The following BRI3BP variants were observed in gnomAD, a reference collection of about 807,000 sequenced individuals.
The protein encoded by BRI3BP is BRI3 binding protein.
Under a neutral mutation model 15.8 loss-of-function variants are expected in BRI3BP, and 7 were observed. That is an observed-to-expected ratio of 0.44 (90% confidence interval 0.25 to 0.83). The LOEUF (loss-of-function observed/expected upper bound fraction) is 0.83. Ranked by LOEUF, BRI3BP falls within the 40% of genes least tolerant of loss-of-function variation. The probability of loss-of-function intolerance (pLI) is 0.20; values close to 1 mark genes in which losing one functional copy is unlikely to be tolerated. For missense variants in BRI3BP, 320 were observed against 339.3 expected (o/e 0.94, Z 0.45); for synonymous variants, 192 against 163.5 (o/e 1.17, Z -1.33).
At chr12:124,994,649 A>C (rs544375241) in intron 1 of BRI3BP, among the ~76,000 whole-genome samples, 3 of 152,300 alleles carry the variant, frequency 2.0e-5, no homozygotes, top group Non-Finnish European at 4.4e-5. Flanking sequence ...GTTGAGTCCC[A>C]GGAGGATCGC....
chr12:125,019,996 G>A (rs993822823), intron 2 of BRI3BP, among the ~76,000 whole-genome samples: 2 of 110,418 alleles, frequency 1.8e-5, no homozygotes, highest in Non-Finnish European at 3.3e-5. Flanking sequence ...GTCTCTCTCT[G>A]TTGCCCAGGC....
chr12:125,013,905 A>G (rs1005336350), intron 2 of BRI3BP, among the ~76,000 whole-genome samples: 1 of 152,040 alleles, frequency 6.6e-6, no homozygotes, highest in African/African-American at 2.4e-5. Context: ...ATGGTAACTG[A>G]GCTGGGCACT....
At chr12:125,008,125 G>A (rs1038784117) in intron 1 of BRI3BP, among the ~76,000 whole-genome samples, 4 of 149,308 alleles carry the variant, frequency 2.7e-5, no homozygotes, top group Non-Finnish European at 6.0e-5. Context: ...CTGCTAGTCC[G>A]GGCACCACCA....
At chr12:125,011,151 C>T (rs1955194079) in intron 1 of BRI3BP, among the ~76,000 whole-genome samples, 1 of 148,140 alleles carries the variant, frequency 6.8e-6, no homozygotes, top group Admixed American at 6.7e-5. Context: ...TTACCCTTCA[C>T]ACGTGAGCCG....
intron 2 of BRI3BP, among the ~76,000 whole-genome samples, chr12:125,017,319 C>A (rs1034498735): frequency 1.1e-4 from 10 of 89,048 alleles, no homozygotes; most frequent in Admixed American, 1.5e-4. Flanking sequence ...ACCGTGCCCC[C>A]CTAATGTTTT....
At chr12:125,034,455 A>T (rs996926611), downstream of BRI3BP, among the ~76,000 whole-genome samples, 1 of 152,222 alleles carries the variant, frequency 6.6e-6, no homozygotes, top group Non-Finnish European at 1.5e-5. Context: ...ATATGCGTAC[A>T]CCATGGACAT....
In BRI3BP at chr12:125,026,320, T is replaced by G. The variant is rs1955354464; in HGVS notation, c.*890T>G. 6.4e-5 allele frequency: 4 copies of G among 62,820 alleles called. No homozygotes were observed. Among genetic ancestry groups the G allele is most frequent in the South Asian group, 1.2e-3 (2 of 1,700 alleles). 3.9% of individuals were successfully genotyped at this position (62,820 alleles called of 1,614,324 possible). On this transcript the variant is annotated 3_prime_UTR_variant, in exon 3 of 3. Coordinates refer to ENST00000341446, the MANE Select transcript of BRI3BP (RefSeq NM_080626.6). ...ATACAAAAGCTATACCCTTGAGGGT[T>G]TTTTTTTTTTTCTTTTGATTTCCTC... is the stretch of plus-strand genomic sequence containing the variant.
the BRI3BP span, among the ~76,000 whole-genome samples, chr12:125,049,492 G>C: frequency 6.6e-6 from 1 of 151,922 alleles, no homozygotes; most frequent in African/African-American, 2.4e-5. Context: ...AGTCAAGCTA[G>C]AGGTCGTGAC....
intron 1 of BRI3BP, among the ~76,000 whole-genome samples, chr12:124,998,246 C>T (rs1041361782): frequency 7.2e-5 from 11 of 152,032 alleles, no homozygotes; most frequent in Admixed American, 1.3e-4. Flanking sequence ...GAGGTTGAGT[C>T]GCCCCACTGC....
intron 1 of BRI3BP, among the ~76,000 whole-genome samples, chr12:124,997,214 C>CTCTTTTTTTTTTT (rs1335395514): frequency 1.9e-5 from 1 of 51,550 alleles, no homozygotes; most frequent in Non-Finnish European, 3.2e-5. Context: ...CTTTACTTCT[C>CTCTTTTTTTTTTT]TTTTTTTTTT....
chr12:125,004,198 G>T (rs1955123042), intron 1 of BRI3BP, among the ~76,000 whole-genome samples: 1 of 151,966 alleles, frequency 6.6e-6, no homozygotes, highest in Admixed American at 6.6e-5. Flanking sequence ...TTTGAGACAA[G>T]GTCTTGCTTT....
the BRI3BP span, among the ~76,000 whole-genome samples, chr12:125,045,892 C>G: frequency 6.6e-6 from 1 of 152,050 alleles, no homozygotes; most frequent in African/African-American, 2.4e-5. Context: ...TGGCTGAACA[C>G]GGTGACTCAC....
the BRI3BP span, among the ~76,000 whole-genome samples, chr12:125,040,421 T>C: frequency 4.0e-5 from 6 of 151,750 alleles, no homozygotes; most frequent in Non-Finnish European, 5.9e-5. Context: ...CTCGGCTCAC[T>C]GCAACCTCCA....
intron 1 of BRI3BP, among the ~76,000 whole-genome samples, chr12:125,005,282 C>T (rs1955131674): frequency 6.6e-6 from 1 of 152,172 alleles, no homozygotes; most frequent in Admixed American, 6.5e-5. Context: ...CAGGGTACAG[C>T]AAATCATCAT....
chr12:124,998,992 C>T (rs1406643772), intron 1 of BRI3BP, among the ~76,000 whole-genome samples: 5 of 152,190 alleles, frequency 3.3e-5, no homozygotes, highest in Non-Finnish European at 5.9e-5. Flanking sequence ...TAGGGAGGAT[C>T]GCTTGATCCT....
intron 1 of BRI3BP, among the ~76,000 whole-genome samples, chr12:125,008,401 C>A (rs530406959): frequency 6.6e-6 from 1 of 151,260 alleles, no homozygotes; most frequent in Non-Finnish European, 1.5e-5. Flanking sequence ...CAAGCTCCGC[C>A]TCCCGGGTTC....
In BRI3BP at chr12:125,030,833, G is replaced by A. The variant is rs1955400707; in HGVS notation, c.*5403G>A. 1 of 152,080 alleles carries A rather than the reference G, an allele frequency of 6.6e-6. No individual in the cohort carries two copies. Among genetic ancestry groups the A allele is most frequent in the African/African-American group, 2.4e-5 (1 of 41,400 alleles). The allele number at this position is 152,080 out of a possible 1,614,324, so 9.4% of individuals were successfully genotyped here. ...ACTGGAAATCACACTTGTGAGGTAT[G>A]GTATCCATTATCAACAGTGGATTCA... On this transcript the variant is annotated 3_prime_UTR_variant, in exon 3 of 3. Transcript: ENST00000341446.
chr12:124,998,135 A>G (rs1955055929), intron 1 of BRI3BP, among the ~76,000 whole-genome samples: 1 of 151,804 alleles, frequency 6.6e-6, no homozygotes, highest in African/African-American at 2.4e-5. Flanking sequence ...AAAAAAAAAA[A>G]AAAAAAATTA....
downstream of BRI3BP, among the ~76,000 whole-genome samples, chr12:125,035,459 T>C (rs1955435745): frequency 6.6e-6 from 1 of 150,494 alleles, no homozygotes; most frequent in Non-Finnish European, 1.5e-5. Flanking sequence ...AGTGGTGCAA[T>C]CACAGCTCAC....
Sources: allele counts gnomAD v4.1 joint callset (sites outside exome capture counted in the v4.1 genomes callset), GRCh38; gene constraint gnomAD v4.1.1; transcripts MANE v1.5; gene names NCBI Gene and HGNC (gene_info 2026-07-23, HGNC 2026-07-21).